PLCB1: variants seen among roughly 807,000 people sequenced by gnomAD.
PLCB1 encodes the protein 1-phosphatidylinositol 4,5-bisphosphate phosphodiesterase beta-1.
Under a neutral mutation model 161.8 loss-of-function variants are expected in PLCB1, and 46 were observed. The ratio of observed to expected loss-of-function variants is 0.28; its 90% CI spans 0.22 to 0.36. PLCB1 has a LOEUF of 0.36. Among genes scored for constraint, PLCB1 ranks in the 10% least tolerant of loss-of-function variants. The pLI, the probability that PLCB1 is intolerant of heterozygous loss-of-function variation, is 1.00. For missense variants in PLCB1, 1,016 were observed against 1,472.5 expected, an observed-to-expected ratio of 0.69 and a Z score of 5.07; for synonymous variants, 517 against 503.7, an observed-to-expected ratio of 1.03 and a Z score of -0.35.
chr20:8,778,987 G>A (rs1353756564), intron 27 of PLCB1, among the ~76,000 whole-genome samples: 2 of 152,176 alleles, frequency 1.3e-5, no homozygotes, highest in African/African-American at 2.4e-5. Flanking sequence ...GTGGTTCTAA[G>A]TAATGAACAG....
At chr20:8,178,394 T>C (rs1411749834) in intron 2 of PLCB1, among the ~76,000 whole-genome samples, 1 of 152,160 alleles carries the variant, frequency 6.6e-6, no homozygotes, top group African/African-American at 2.4e-5. Flanking sequence ...CTCTCATGAT[T>C]AGTGACATTC....
At chr20:8,294,364 G>A (rs1026424110) in intron 2 of PLCB1, among the ~76,000 whole-genome samples, 5 of 151,836 alleles carry the variant, frequency 3.3e-5, no homozygotes, top group African/African-American at 1.2e-4. Context: ...CAATAAACTG[G>A]TGAAAATTTA....
intron 31 of PLCB1, among the ~76,000 whole-genome samples, chr20:8,800,848 C>G (rs544961801): frequency 6.6e-6 from 1 of 152,224 alleles, no homozygotes; most frequent in Admixed American, 6.5e-5. Flanking sequence ...GTAAAGCAGT[C>G]AAGACATCTT....
chr20:8,617,164 A>C (rs2123186945), intron 3 of PLCB1, among the ~76,000 whole-genome samples: 1 of 152,288 alleles, frequency 6.6e-6, no homozygotes, highest in South Asian at 2.1e-4. Context: ...CTTACAGACC[A>C]CCTGTAAATG....
chr20:8,580,238 A>G (rs1302731211), intron 3 of PLCB1, among the ~76,000 whole-genome samples: 2 of 152,176 alleles, frequency 1.3e-5, no homozygotes, highest in Non-Finnish European at 2.9e-5. Flanking sequence ...ACAGAAAATA[A>G]AAAGGCATGA....
Position 8,779,507 on chromosome 20 carries a change from C to CAAAAAA in PLCB1, c.3111+4811_3111+4816dup, listed in dbSNP as rs373073139. ...AAGCTCTGTAGACTCCACTTTTGTG[C>CAAAAAA]AAAAAAAAAAAAAAAAAAAAAAAAA... On this transcript the variant is annotated intron_variant, in intron 27 of 31. Transcript: ENST00000338037. Among the ~76,000 whole-genome samples the CAAAAAA allele has an allele frequency of 6.2e-4, 64 of 102,506 alleles. 7 individuals carry two copies. The highest frequency in any genetic ancestry group is 2.2e-3 in the African/African-American group (59 of 26,508). The allele number at this position is 102,506 out of a possible 152,430, so 67.2% of individuals were successfully genotyped here. A position where few individuals can be genotyped will look rare whatever the true frequency, so the allele number is the denominator to read the frequency against.
At chr20:8,530,740 T>C (rs1228552086) in intron 3 of PLCB1, among the ~76,000 whole-genome samples, 1 of 152,114 alleles carries the variant, frequency 6.6e-6, no homozygotes, top group African/African-American at 2.4e-5. Context: ...GTCTGATTTG[T>C]CCATTATTAA....
At chr20:8,670,651 A>G (rs1199479075) in intron 9 of PLCB1, among the ~76,000 whole-genome samples, 1 of 152,224 alleles carries the variant, frequency 6.6e-6, no homozygotes, top group African/African-American at 2.4e-5. Flanking sequence ...CTGACTCCAG[A>G]TTTAGGGGAA....
At chr20:8,677,555 T>TA (rs1182561859) in intron 9 of PLCB1, among the ~76,000 whole-genome samples, 2 of 152,128 alleles carry the variant, frequency 1.3e-5, no homozygotes, top group African/African-American at 4.8e-5. Flanking sequence ...TAGATAAACC[T>TA]ATGCCAAAGC....
chr20:8,602,448 T>C (rs978539660), intron 3 of PLCB1, among the ~76,000 whole-genome samples: 4 of 152,238 alleles, frequency 2.6e-5, no homozygotes, highest in African/African-American at 9.6e-5. Context: ...AATAGACTTA[T>C]CTATCCCTGT....
At chr20:8,547,100 C>T (rs909812693) in intron 3 of PLCB1, among the ~76,000 whole-genome samples, 1 of 152,114 alleles carries the variant, frequency 6.6e-6, no homozygotes, top group Non-Finnish European at 1.5e-5. Context: ...CTGAAGAACC[C>T]AGAGTGGCAG....
chr20:8,363,598 C>T (rs1330258620), intron 2 of PLCB1, among the ~76,000 whole-genome samples: 1 of 152,136 alleles, frequency 6.6e-6, no homozygotes, highest in Non-Finnish European at 1.5e-5. Context: ...TGCTGTATTA[C>T]ATAACATAAT....
intron 2 of PLCB1, among the ~76,000 whole-genome samples, chr20:8,273,118 G>A (rs1009309294): frequency 6.6e-6 from 1 of 152,090 alleles, no homozygotes; most frequent in Non-Finnish European, 1.5e-5. Context: ...AAAGATTGTT[G>A]AATACATGAG....
chr20:8,373,601 C>G (rs1440854863), intron 3 of PLCB1, among the ~76,000 whole-genome samples: 1 of 152,134 alleles, frequency 6.6e-6, no homozygotes, highest in African/African-American at 2.4e-5. Context: ...ATTTGAAAAA[C>G]AAATTTGCAG....
intron 2 of PLCB1, among the ~76,000 whole-genome samples, chr20:8,187,577 C>T (rs953152249): frequency 2.0e-5 from 3 of 152,162 alleles, no homozygotes; most frequent in South Asian, 2.1e-4. Flanking sequence ...TATCTCTCCA[C>T]TTCCTAGAGT....
At position 8,609,687 on chromosome 20, in the gene PLCB1, A is replaced by T. The variant is rs112463399; in HGVS notation, c.247-18607A>T. The stretch of plus-strand genomic sequence containing the variant: ...AGATGGGAGTCGTGCTGTGTCAACC[A>T]GGCTTAAGTGCAGTGGTGCGATCAT... On this transcript the variant is annotated intron_variant, in intron 3 of 31. Transcript: ENST00000338037. Among the ~76,000 whole-genome samples the T allele has an allele frequency of 8.2e-3, 1,246 of 152,226 alleles. 18 individuals are homozygous for T. The highest frequency in any genetic ancestry group is 0.028 in the African/African-American group (1,183 of 41,526).
At chr20:8,730,393 ATTG>A (rs10549123) in intron 18 of PLCB1, among the ~76,000 whole-genome samples, 33,526 of 151,200 alleles carry the variant, frequency 0.22, 4,263 homozygotes, top group East Asian at 0.5. Flanking sequence ...AGCCTTTTTC[ATTG>A]TTGTTGTTAA....
chr20:8,609,381 C>T (rs762133907), intron 3 of PLCB1, among the ~76,000 whole-genome samples: 11 of 152,140 alleles, frequency 7.2e-5, no homozygotes, highest in Non-Finnish European at 1.3e-4. Flanking sequence ...TGCTCCAGCA[C>T]TTGGATGAGG....
At chr20:8,739,598 A>G (rs540323032) in intron 21 of PLCB1, among the ~76,000 whole-genome samples, 5 of 152,334 alleles carry the variant, frequency 3.3e-5, no homozygotes, top group African/African-American at 1.2e-4. Context: ...GCAAATATTT[A>G]TCTTCGTGCT....
Sources: allele counts gnomAD v4.1 joint callset (sites outside exome capture counted in the v4.1 genomes callset), GRCh38; gene constraint gnomAD v4.1.1; transcripts MANE v1.5; gene names NCBI Gene and HGNC (gene_info 2026-07-23, HGNC 2026-07-21).